The following RGS6 variants were observed in gnomAD, a reference collection of about 807,000 sequenced individuals.
The protein encoded by RGS6 is regulator of G protein signaling 6, also known as regulator of G-protein signaling 6.
In RGS6, 30 loss-of-function variants were observed where a neutral mutation model predicts 78.5. The ratio of observed to expected loss-of-function variants is 0.38; its 90% CI spans 0.29 to 0.52. The LOEUF is 0.52. Ranked by LOEUF, RGS6 falls within the 20% of genes least tolerant of loss-of-function variation. The pLI is 0.85. For synonymous variants in RGS6, 206 were observed against 206.0 expected, an observed-to-expected ratio of 1.00 and a Z score of 0.00; for missense variants, 495 against 609.7, an observed-to-expected ratio of 0.81 and a Z score of 1.98.
intron 2 of RGS6, among the ~76,000 whole-genome samples, chr14:72,115,262 T>A (rs2095860771): frequency 6.6e-6 from 1 of 152,206 alleles, no homozygotes; most frequent in Non-Finnish European, 1.5e-5. Flanking sequence ...TACGCAGCTG[T>A]GGGCTCTAAT....
chr14:72,370,083 G>T (rs1158602861), intron 3 of RGS6, among the ~76,000 whole-genome samples: 1 of 151,648 alleles, frequency 6.6e-6, no homozygotes, highest in African/African-American at 2.4e-5. Context: ...TGGAGATTCT[G>T]CTTTGGAGAA....
intron 2 of RGS6, among the ~76,000 whole-genome samples, chr14:72,120,752 T>C (rs1459360011): frequency 6.6e-6 from 1 of 152,044 alleles, no homozygotes; most frequent in Non-Finnish European, 1.5e-5. Context: ...GTAAAACGAA[T>C]CTAGGGGGAA....
intron 2 of RGS6, among the ~76,000 whole-genome samples, chr14:72,194,148 C>T (rs985913254): frequency 1.3e-5 from 2 of 151,982 alleles, no homozygotes; most frequent in African/African-American, 4.8e-5. Context: ...AACGGTCGGT[C>T]AGATCGTCAT....
At chr14:72,103,527 C>T (rs1208364053) in intron 2 of RGS6, among the ~76,000 whole-genome samples, 1 of 152,176 alleles carries the variant, frequency 6.6e-6, no homozygotes, top group Admixed American at 6.5e-5. Flanking sequence ...TCTTGTTCTC[C>T]TGAACTTACG....
At chr14:72,130,876 G>T (rs1273524011) in intron 2 of RGS6, among the ~76,000 whole-genome samples, 1 of 152,224 alleles carries the variant, frequency 6.6e-6, no homozygotes, top group Non-Finnish European at 1.5e-5. Context: ...ATTGGTATGT[G>T]TGTTGGGGGG....
At chr14:72,540,842 C>A (rs769607862) in intron 17 of RGS6, 1 of 985,220 alleles carries the variant, frequency 1.0e-6, no homozygotes, top group Non-Finnish European at 1.2e-6. Flanking sequence ...GTTCATGGTA[C>A]GCCCCAGCTA....
At chr14:71,996,323 T>C (rs2095204722) in intron 2 of RGS6, among the ~76,000 whole-genome samples, 2 of 152,162 alleles carry the variant, frequency 1.3e-5, no homozygotes, top group South Asian at 4.1e-4. Flanking sequence ...TAGAGATTTG[T>C]TAAGTAAATG....
the RGS6 span, among the ~76,000 whole-genome samples, chr14:71,903,544 TGA>T: frequency 2.1e-4 from 32 of 152,172 alleles, no homozygotes; most frequent in Non-Finnish European, 4.3e-4. Context: ...GGGTGGTTCT[TGA>T]GAGAGAGGTC....
At chr14:72,611,433 C>G in the RGS6 span, among the ~76,000 whole-genome samples, 2 of 152,208 alleles carry the variant, frequency 1.3e-5, no homozygotes, top group Non-Finnish European at 2.9e-5. Context: ...CTGCACACAC[C>G]AGCAGTGCCA....
chr14:72,505,910 G>C (rs1334133264), intron 13 of RGS6, among the ~76,000 whole-genome samples: 2 of 152,308 alleles, frequency 1.3e-5, no homozygotes, highest in East Asian at 3.9e-4. Flanking sequence ...CCTCAGTTTG[G>C]TAACTTTCCT....
In RGS6 at chr14:72,264,685, A is replaced by C. The variant is rs139399146; in HGVS notation, c.85-87410A>C. Among the ~76,000 whole-genome samples, 464 of 152,344 alleles carry C rather than the reference A, an allele frequency of 3.0e-3. 1 individual carries two copies. The highest frequency in any genetic ancestry group is 0.011 in the African/African-American group (448 of 41,582). On this transcript the variant is annotated intron_variant, in intron 2 of 17. Coordinates refer to ENST00000553525, the MANE Select transcript of RGS6 (RefSeq NM_001204424.2). ...AGGAGTACATGCAGTTTAAGTACCCAAAAATAAGTTTGTTTACCACTTAGA... is the reference window on the plus strand; with the variant it reads ...AGGAGTACATGCAGTTTAAGTACCCCAAAATAAGTTTGTTTACCACTTAGA...
intron 2 of RGS6, among the ~76,000 whole-genome samples, chr14:72,082,722 C>T (rs185199417): frequency 3.3e-5 from 5 of 151,816 alleles, no homozygotes; most frequent in Non-Finnish European, 5.9e-5. Flanking sequence ...AATTAAAATT[C>T]GCAAATGATG....
At chr14:72,287,791 C>A (rs576647386) in intron 2 of RGS6, among the ~76,000 whole-genome samples, 3 of 152,278 alleles carry the variant, frequency 2.0e-5, no homozygotes, top group Admixed American at 2.0e-4. Flanking sequence ...TCCTTCTATA[C>A]CTAGTTTGTT....
chr14:72,394,153 C>T (rs997148727), intron 3 of RGS6, among the ~76,000 whole-genome samples: 7 of 152,008 alleles, frequency 4.6e-5, no homozygotes, highest in East Asian at 1.9e-4. Flanking sequence ...AAGCGTCGGC[C>T]GGTCTGAGAA....
intron 2 of RGS6, among the ~76,000 whole-genome samples, chr14:72,087,823 T>A (rs1185902336): frequency 6.6e-6 from 1 of 152,140 alleles, no homozygotes; most frequent in African/African-American, 2.4e-5. Context: ...TTTTCCAGAA[T>A]TGATAGCCAT....
At chr14:72,560,813 T>C (rs1310993519) in intron 17 of RGS6, among the ~76,000 whole-genome samples, 1 of 142,834 alleles carries the variant, frequency 7.0e-6, no homozygotes, top group Non-Finnish European at 1.5e-5. Context: ...TGTGTGTGTG[T>C]GTGTGTGTGT....
chr14:72,100,985 C>G (rs1338795771), intron 2 of RGS6, among the ~76,000 whole-genome samples: 2 of 152,088 alleles, frequency 1.3e-5, no homozygotes, highest in South Asian at 2.1e-4. Context: ...ATGACAAAAC[C>G]CTGTCTCTAC....
chr14:71,906,115 G>C, the RGS6 span, among the ~76,000 whole-genome samples: 1 of 152,206 alleles, frequency 6.6e-6, no homozygotes, highest in East Asian at 1.9e-4. Context: ...AGCTGGCCCA[G>C]CTGTCACAGA....
chr14:72,255,756 G>A (rs1023486015), intron 2 of RGS6, among the ~76,000 whole-genome samples: 1 of 152,134 alleles, frequency 6.6e-6, no homozygotes, highest in Non-Finnish European at 1.5e-5. Context: ...ATATGAAAGA[G>A]CATTTGCTTA....
Sources: allele counts gnomAD v4.1 joint callset (sites outside exome capture counted in the v4.1 genomes callset), GRCh38; gene constraint gnomAD v4.1.1; transcripts MANE v1.5; gene names NCBI Gene and HGNC (gene_info 2026-07-23, HGNC 2026-07-21).